CDYL: variants seen among roughly 807,000 people sequenced by gnomAD.
CDYL encodes chromodomain Y-like protein.
A neutral mutation model predicts 47.3 loss-of-function variants in CDYL; 8 were observed. The ratio of observed to expected loss-of-function variants is 0.17; its 90% confidence interval spans 0.10 to 0.31. The LOEUF (loss-of-function observed/expected upper bound fraction) is 0.31. Ranked by LOEUF, CDYL falls within the 10% of genes least tolerant of loss-of-function variation. The pLI is 1.00. For missense variants in CDYL, 471 were observed against 701.4 expected (o/e 0.67, Z 3.71); for synonymous variants, 266 against 265.0 (o/e 1.00, Z -0.04).
chr6:4,811,885 G>A (rs1380603114), intron 1 of CDYL, among the ~76,000 whole-genome samples: 1 of 152,126 alleles, frequency 6.6e-6, no homozygotes, highest in Non-Finnish European at 1.5e-5. Flanking sequence ...TCACTTGACT[G>A]TTGTCTTCCA....
intron 3 of CDYL, among the ~76,000 whole-genome samples, chr6:4,769,523 T>C (rs1758304843): frequency 6.6e-6 from 1 of 152,224 alleles, no homozygotes; most frequent in Non-Finnish European, 1.5e-5. Context: ...TAGTATTTCA[T>C]TTTTTAAAAT....
At chr6:4,769,863 C>G (rs1409802700) in intron 3 of CDYL, among the ~76,000 whole-genome samples, 1 of 152,162 alleles carries the variant, frequency 6.6e-6, no homozygotes, top group African/African-American at 2.4e-5. Flanking sequence ...GTGGCGCGAT[C>G]TCGGCTCACT....
At chr6:4,907,144 T>G (rs745410627) in intron 2 of CDYL, among the ~76,000 whole-genome samples, 2 of 152,212 alleles carry the variant, frequency 1.3e-5, no homozygotes, top group African/African-American at 2.4e-5. Flanking sequence ...GCTGCTACTC[T>G]GAGCTCAAGT....
At chr6:4,935,144 T>G (rs1342818934) in intron 2 of CDYL, among the ~76,000 whole-genome samples, 1 of 152,206 alleles carries the variant, frequency 6.6e-6, no homozygotes, top group African/African-American at 2.4e-5. Flanking sequence ...AATAAGATGT[T>G]TTCTTGATTA....
chr6:4,861,352 ACTT>A (rs1449898934), intron 1 of CDYL, among the ~76,000 whole-genome samples: 23 of 152,154 alleles, frequency 1.5e-4, no homozygotes, highest in Admixed American at 1.5e-3. Context: ...TGGCCCCAGG[ACTT>A]CTTATTGAAG....
intron 1 of CDYL, among the ~76,000 whole-genome samples, chr6:4,833,372 G>A (rs1292829189): frequency 6.6e-6 from 1 of 151,732 alleles, no homozygotes; most frequent in South Asian, 2.1e-4. Flanking sequence ...TTTCCATGTA[G>A]TTGAGTGGTT....
intron 1 of CDYL, 54 bp downstream of exon 1, chr6:4,776,861 C>CCCGGCCGCG (rs1758471480): frequency 1.3e-6 from 1 of 773,994 alleles, no homozygotes; most frequent in Non-Finnish European, 1.5e-6. Flanking sequence ...CCCCTCCCGG[C>CCCGGCCGCG]CCGGCCGCGC....
chr6:4,749,230 AC>A (rs1176080073), intron 3 of CDYL, among the ~76,000 whole-genome samples: 1 of 152,224 alleles, frequency 6.6e-6, no homozygotes, highest in African/African-American at 2.4e-5. Flanking sequence ...TTTTGTACTC[AC>A]AGCACCTAGC....
intron 1 of CDYL, among the ~76,000 whole-genome samples, chr6:4,849,133 A>G (rs542338474): frequency 7.9e-5 from 12 of 152,216 alleles, no homozygotes; most frequent in Non-Finnish European, 1.5e-4. Context: ...ATTTAGGAAC[A>G]TCTAGATGAA....
rs193261374 is a variant in CDYL, at chr6:4,801,865, T to C, written c.24+25058T>C. Among the ~76,000 whole-genome samples the C allele has an allele frequency of 2.0e-5, 3 of 152,326 alleles. No homozygotes were observed. In the East Asian group the frequency reaches 5.8e-4, roughly 29 times the overall value. On this transcript the variant is annotated intron_variant, in intron 1 of 6. Coordinates refer to ENST00000397588, the MANE Select transcript of CDYL (RefSeq NM_004824.4). Reference sequence around the variant, plus strand: ...TGTTACTCTTTTTTAAAAATATTGCTTTCTGGTTTCTGACTGCTTTTTCAC... The same window carrying C: ...TGTTACTCTTTTTTAAAAATATTGCCTTCTGGTTTCTGACTGCTTTTTCAC...
chr6:4,908,581 C>A (rs1183986565), intron 2 of CDYL, among the ~76,000 whole-genome samples: 2 of 152,204 alleles, frequency 1.3e-5, no homozygotes, highest in African/African-American at 4.8e-5. Flanking sequence ...CTTGGCTCTC[C>A]AAGCTTCCAG....
chr6:4,941,400 C>A (rs898449704), intron 4 of CDYL, among the ~76,000 whole-genome samples: 1 of 152,170 alleles, frequency 6.6e-6, no homozygotes, highest in African/African-American at 2.4e-5. Flanking sequence ...TAAAGGTTTT[C>A]TTTTTTAAAA....
intron 2 of CDYL, among the ~76,000 whole-genome samples, chr6:4,727,919 G>C (rs1757544172): frequency 6.6e-6 from 1 of 152,024 alleles, no homozygotes; most frequent in South Asian, 2.1e-4. Context: ...TTTCTCCTGG[G>C]TTACCAACAT....
intron 3 of CDYL, among the ~76,000 whole-genome samples, chr6:4,765,318 G>A (rs975582319): frequency 6.0e-5 from 9 of 149,578 alleles, no homozygotes; most frequent in East Asian, 5.9e-4. Context: ...GGGAGACTTC[G>A]TCTCAAAAAA....
At chr6:4,802,390 C>CTT (rs1448659532) in intron 1 of CDYL, among the ~76,000 whole-genome samples, 1 of 151,908 alleles carries the variant, frequency 6.6e-6, no homozygotes, top group African/African-American at 2.4e-5. Flanking sequence ...ATAAAAAAAA[C>CTT]TTAGCTGAGT....
chr6:4,708,654 T>C (rs1168808774), intron 1 of CDYL, among the ~76,000 whole-genome samples: 1 of 152,230 alleles, frequency 6.6e-6, no homozygotes, highest in Non-Finnish European at 1.5e-5. Context: ...ATAACTTACA[T>C]GAATAAAGTT....
chr6:4,947,823 C>T (rs374243772), intron 5 of CDYL, among the ~76,000 whole-genome samples: 65 of 152,276 alleles, frequency 4.3e-4, no homozygotes, highest in African/African-American at 1.4e-3. Context: ...CGTGGCCTCA[C>T]GGCGGTTCCC....
At chr6:4,769,102 A>G (rs565802039) in intron 3 of CDYL, among the ~76,000 whole-genome samples, 1 of 152,318 alleles carries the variant, frequency 6.6e-6, no homozygotes, top group Non-Finnish European at 1.5e-5. Context: ...TAATAGAGGT[A>G]ATGCGGCGTC....
intron 1 of CDYL, among the ~76,000 whole-genome samples, chr6:4,860,051 G>A (rs1761119562): frequency 6.6e-6 from 1 of 151,786 alleles, no homozygotes; most frequent in Middle Eastern, 3.2e-3. Flanking sequence ...ACAGGCGCCC[G>A]CCACTACCCC....
Sources: allele counts gnomAD v4.1 joint callset (sites outside exome capture counted in the v4.1 genomes callset), GRCh38; gene constraint gnomAD v4.1.1; transcripts MANE v1.5; gene names NCBI Gene and HGNC (gene_info 2026-07-23, HGNC 2026-07-21).